Variants in PTPRT observed in about 807,000 individuals in gnomAD.
The protein encoded by PTPRT is receptor-type tyrosine-protein phosphatase T.
A neutral mutation model predicts 176.8 loss-of-function variants in PTPRT; 56 were observed. The observed-to-expected ratio is 0.32, with a 90% CI of 0.26 to 0.40. The LOEUF (loss-of-function observed/expected upper bound fraction) is 0.40. Ranked by LOEUF, PTPRT falls within the 10% of genes least tolerant of loss-of-function variation. The pLI is 1.00. For missense variants in PTPRT, 1,540 were observed against 1,908.2 expected (o/e 0.81, Z 3.60); for synonymous variants, 783 against 739.0 (o/e 1.06, Z -0.96).
At chr20:42,300,299 G>C (rs886971392) in intron 12 of PTPRT, among the ~76,000 whole-genome samples, 2 of 150,478 alleles carry the variant, frequency 1.3e-5, no homozygotes, top group Non-Finnish European at 3.0e-5. Flanking sequence ...AAGATAGATG[G>C]ATAGACAGGT....
At chr20:42,625,167 T>C (rs1600493277) in intron 7 of PTPRT, among the ~76,000 whole-genome samples, 4 of 151,890 alleles carry the variant, frequency 2.6e-5, no homozygotes, top group South Asian at 4.2e-4. Flanking sequence ...GGCAAAGGAG[T>C]TGGGTTCTGG....
At chr20:42,054,111 T>A in the PTPRT span, among the ~76,000 whole-genome samples, 55 of 152,274 alleles carry the variant, frequency 3.6e-4, 1 homozygote, top group South Asian at 4.6e-3. Context: ...GTATGGGACA[T>A]CTTGGGTGAT....
intron 15 of PTPRT, among the ~76,000 whole-genome samples, chr20:42,215,565 G>C (rs1162302013): frequency 1.3e-5 from 2 of 151,170 alleles, no homozygotes; most frequent in Non-Finnish European, 3.0e-5. Context: ...AGGGAACCAA[G>C]GTGACTAATC....
At chr20:42,177,004 G>A (rs2146568819) in intron 16 of PTPRT, among the ~76,000 whole-genome samples, 1 of 152,330 alleles carries the variant, frequency 6.6e-6, no homozygotes, top group South Asian at 2.1e-4. Context: ...AACACAGTTT[G>A]GGAGTTACAA....
intron 13 of PTPRT, among the ~76,000 whole-genome samples, chr20:42,254,424 T>C (rs939698941): frequency 1.3e-5 from 2 of 152,158 alleles, no homozygotes; most frequent in Admixed American, 1.3e-4. Flanking sequence ...GAGGTACACA[T>C]TGATTGAGAT....
chr20:42,363,609 C>T (rs944487534), intron 9 of PTPRT, among the ~76,000 whole-genome samples: 2 of 151,916 alleles, frequency 1.3e-5, no homozygotes, highest in African/African-American at 2.4e-5. Context: ...CGTGCCCGGC[C>T]TATTACAATA....
At chr20:42,486,908 G>T (rs2071473431) in intron 7 of PTPRT, among the ~76,000 whole-genome samples, 1 of 152,144 alleles carries the variant, frequency 6.6e-6, no homozygotes, top group Non-Finnish European at 1.5e-5. Context: ...AAGTCACACA[G>T]GCAAGCTCAA....
chr20:42,791,071 G>T, intron 3 of PTPRT, 124 bp downstream of exon 3: 1 of 1,240,734 alleles, frequency 8.1e-7, no homozygotes, highest in Non-Finnish European at 1.1e-6. Context: ...TGGCTAGGAG[G>T]AGAAGCACAG....
intron 7 of PTPRT, among the ~76,000 whole-genome samples, chr20:42,651,015 C>A (rs987288973): frequency 6.6e-6 from 1 of 151,912 alleles, no homozygotes; most frequent in Non-Finnish European, 1.5e-5. Flanking sequence ...TTTATTCACT[C>A]ACTTTTCAAA....
At position 43,070,513 on chromosome 20, in the gene PTPRT, A is replaced by T. The variant is rs145872960; in HGVS notation, c.88+119133T>A. ...GGATTACAAATCATGCTGCTATAAA[A>T]ACACATGCACATGTATGTTTATTGT... is the stretch of plus-strand genomic sequence containing the variant. On this transcript the variant is annotated intron_variant, in intron 1 of 30. Transcript: ENST00000373187. Among the ~76,000 whole-genome samples the T allele has an allele frequency of 3.9e-5, 6 of 152,274 alleles. No homozygotes were observed. The East Asian group carries it at 1.2e-3, about 29-fold the overall frequency.
intron 7 of PTPRT, among the ~76,000 whole-genome samples, chr20:42,651,220 T>C (rs1317433039): frequency 6.6e-6 from 1 of 152,086 alleles, no homozygotes; most frequent in Non-Finnish European, 1.5e-5. Context: ...AATGATGGTA[T>C]TGAATGTGAC....
chr20:42,373,637 T>C (rs2058615577), intron 9 of PTPRT, among the ~76,000 whole-genome samples: 1 of 152,182 alleles, frequency 6.6e-6, no homozygotes, highest in Non-Finnish European at 1.5e-5. Flanking sequence ...ATTATGGACA[T>C]ACATATAGAG....
In PTPRT at chr20:42,570,659, T is replaced by G. The variant is rs1568985745; in HGVS notation, c.1154-98097A>C. Among the ~76,000 whole-genome samples the G allele has an allele frequency of 2.0e-5, 3 of 152,096 alleles. No homozygotes were observed. In the South Asian group the frequency reaches 6.2e-4, roughly 32 times the overall value. On this transcript the variant is annotated intron_variant, in intron 7 of 30. Coordinates refer to ENST00000373187, the MANE Select transcript of PTPRT (RefSeq NM_007050.6). ...CTGAATTGGTCACCTATCTCATTGGTTTCTAAACTTTTCTGCCTACAACTA... is the reference window on the plus strand; with the variant it reads ...CTGAATTGGTCACCTATCTCATTGGGTTCTAAACTTTTCTGCCTACAACTA...
intron 13 of PTPRT, among the ~76,000 whole-genome samples, chr20:42,267,144 C>A (rs888139454): frequency 2.6e-5 from 4 of 152,196 alleles, no homozygotes; most frequent in Admixed American, 2.6e-4. Context: ...AGTACCAGTG[C>A]AAACATTCTG....
intron 16 of PTPRT, among the ~76,000 whole-genome samples, chr20:42,170,303 AT>A (rs889710681): frequency 1.3e-5 from 2 of 152,038 alleles, no homozygotes; most frequent in African/African-American, 2.4e-5. Flanking sequence ...ATTTTTATTC[AT>A]TTTTTTTCTG....
At chr20:42,121,701 AT>A (rs1200430063) in intron 19 of PTPRT, among the ~76,000 whole-genome samples, 31 of 67,938 alleles carry the variant, frequency 4.6e-4, no homozygotes, top group Non-Finnish European at 1.7e-4. Context: ...AATTTTTTAT[AT>A]ATATATATAT....
Position 43,189,745 on chromosome 20 carries a change from C to CGGG in PTPRT, c.-15_-13dup, listed in dbSNP as rs939661317. The CGGG allele has an allele frequency of 1.6e-6, 2 of 1,220,752 alleles. No individual in the cohort carries two copies. The highest frequency in any genetic ancestry group is 1.6e-5 in the African/African-American group (1 of 62,322). 75.6% of individuals were successfully genotyped at this position (1,220,752 alleles called of 1,614,324 possible). A position where few individuals can be genotyped will look rare whatever the true frequency, so the allele number is the denominator to read the frequency against. On this transcript the variant is annotated 5_prime_UTR_variant, in exon 1 of 31. Coordinates refer to ENST00000373187, the MANE Select transcript of PTPRT (RefSeq NM_007050.6). This position sits in a 1 kb window ranked among gnomAD's most constrained non-coding sequence, Gnocchi z 5.0. ...GCGAGGCTCGCCATCCGGGCGGCGG[C>CGGG]GGGCAGCTCAGCCCCTTCCCGCGGG...
At chr20:43,089,443 TG>T (rs2011735273) in intron 1 of PTPRT, among the ~76,000 whole-genome samples, 1 of 152,260 alleles carries the variant, frequency 6.6e-6, no homozygotes, top group Non-Finnish European at 1.5e-5. Context: ...TTTCAAATCA[TG>T]ACTGCAAAGA....
chr20:42,495,714 C>T (rs759926721), intron 7 of PTPRT, among the ~76,000 whole-genome samples: 4 of 152,132 alleles, frequency 2.6e-5, no homozygotes, highest in Admixed American at 6.6e-5. Flanking sequence ...TAAAATATAA[C>T]AAATTCCCCA....
Sources: allele counts gnomAD v4.1 joint callset (sites outside exome capture counted in the v4.1 genomes callset), GRCh38; gene constraint gnomAD v4.1.1; non-coding constraint Gnocchi (gnomAD v3.1); transcripts MANE v1.5; gene names NCBI Gene and HGNC (gene_info 2026-07-23, HGNC 2026-07-21).